SLC9A9: variants seen among roughly 807,000 people sequenced by gnomAD.
SLC9A9 encodes the protein solute carrier family 9 member A9.
A neutral mutation model predicts 77.8 loss-of-function variants in SLC9A9; 62 were observed. That is an observed-to-expected ratio of 0.80 (90% CI 0.65 to 0.98). The LOEUF (loss-of-function observed/expected upper bound fraction) is 0.98, where lower values mean the gene tolerates loss of function less well. Among genes scored for constraint, SLC9A9 ranks in the 50% least tolerant of loss-of-function variants. The pLI, the probability that SLC9A9 is intolerant of heterozygous loss-of-function variation, is 0.00. For missense variants in SLC9A9, 775 were observed against 774.9 expected, an observed-to-expected ratio of 1.00 and a Z score of 0.00; for synonymous variants, 320 against 283.5, an observed-to-expected ratio of 1.13 and a Z score of -1.29.
At chr3:143,507,912 T>C (rs1385271466) in intron 9 of SLC9A9, among the ~76,000 whole-genome samples, 1 of 152,144 alleles carries the variant, frequency 6.6e-6, no homozygotes, top group South Asian at 2.1e-4. Flanking sequence ...AAGCAAGCTC[T>C]CACGTCTCTT....
intron 5 of SLC9A9, among the ~76,000 whole-genome samples, chr3:143,672,620 C>A (rs1192819587): frequency 6.6e-6 from 1 of 152,124 alleles, no homozygotes; most frequent in Non-Finnish European, 1.5e-5. Flanking sequence ...AAATAACAGT[C>A]CTGCTTTTAA....
intron 12 of SLC9A9, among the ~76,000 whole-genome samples, chr3:143,425,664 C>A (rs1403902688): frequency 6.6e-6 from 1 of 152,176 alleles, no homozygotes; most frequent in Non-Finnish European, 1.5e-5. Flanking sequence ...TTGATGCACA[C>A]TTTTCTGGTC....
At chr3:143,407,789 G>A (rs2034010170) in intron 12 of SLC9A9, among the ~76,000 whole-genome samples, 1 of 152,204 alleles carries the variant, frequency 6.6e-6, no homozygotes, top group African/African-American at 2.4e-5. Context: ...CTAAAGCAAT[G>A]TGCTTCTGAA....
At chr3:143,489,316 T>C (rs1478175270) in intron 11 of SLC9A9, among the ~76,000 whole-genome samples, 2 of 151,934 alleles carry the variant, frequency 1.3e-5, no homozygotes, top group Non-Finnish European at 2.9e-5. Context: ...CAACCCAAAG[T>C]AATCTGCAAA....
chr3:143,587,523 C>CA (rs2037563653), intron 6 of SLC9A9, among the ~76,000 whole-genome samples: 1 of 152,176 alleles, frequency 6.6e-6, no homozygotes. Context: ...AGGAGGCCAG[C>CA]ATGGCTGGAG....
rs537558359 is a variant in SLC9A9 at position 143,746,353 on chromosome 3, C to T, written c.533+48648G>A. Among the ~76,000 whole-genome samples the T allele has an allele frequency of 4.6e-5, 7 of 152,272 alleles. No homozygotes were observed. The South Asian group carries it at 1.5e-3, about 32-fold the overall frequency. On this transcript the variant is annotated intron_variant, in intron 4 of 15. Transcript: ENST00000316549. ...AGTGTCAGATACTTTCCTAGGTTCTCTTTTTTTCTCCATTTGAAAGTTTAT... is the reference window on the plus strand; with the variant it reads ...AGTGTCAGATACTTTCCTAGGTTCTTTTTTTTTCTCCATTTGAAAGTTTAT...
At chr3:143,527,938 G>A (rs778513954) in intron 9 of SLC9A9, among the ~76,000 whole-genome samples, 3 of 152,230 alleles carry the variant, frequency 2.0e-5, no homozygotes, top group Non-Finnish European at 2.9e-5. Context: ...ATTGTCACCA[G>A]GCTAGGCTGG....
rs200592123 is a variant in SLC9A9, at chr3:143,665,487, AGAACTGAAG to A, written c.650-13136_650-13128del. Among the ~76,000 whole-genome samples, 268 of 152,362 alleles carry A rather than the reference AGAACTGAAG, an allele frequency of 1.8e-3. 2 individuals are homozygous for A. In the East Asian group the frequency reaches 0.036, roughly 20 times the overall value. On this transcript the variant is annotated intron_variant, in intron 5 of 15. Transcript: ENST00000316549. ...AGAAGGCAATAAATAAAATCAGAGC[AGAACTGAAG>A]GAGATAGAGACACAAAAAACCCTTC...
chr3:143,301,621 G>A (rs955920771), intron 14 of SLC9A9, among the ~76,000 whole-genome samples: 9 of 152,194 alleles, frequency 5.9e-5, no homozygotes, highest in African/African-American at 2.2e-4. Context: ...AAATGTTGGT[G>A]TGTATCAGAA....
At chr3:143,624,382 C>T (rs2038278095) in intron 6 of SLC9A9, among the ~76,000 whole-genome samples, 1 of 152,200 alleles carries the variant, frequency 6.6e-6, no homozygotes, top group South Asian at 2.1e-4. Flanking sequence ...TACTGGCCAA[C>T]TGAATCCAGC....
chr3:143,797,425 G>C (rs1393582425), intron 2 of SLC9A9, among the ~76,000 whole-genome samples: 1 of 152,118 alleles, frequency 6.6e-6, no homozygotes, highest in Non-Finnish European at 1.5e-5. Context: ...AGTATGACTT[G>C]GTATGAAGTG....
chr3:143,636,769 C>T (rs1207296951), intron 6 of SLC9A9, among the ~76,000 whole-genome samples: 1 of 152,118 alleles, frequency 6.6e-6, no homozygotes, highest in East Asian at 1.9e-4. Context: ...CTTCTACTTC[C>T]CCATCTCTGC....
chr3:143,767,709 T>G (rs2007372198), intron 4 of SLC9A9, among the ~76,000 whole-genome samples: 1 of 152,172 alleles, frequency 6.6e-6, no homozygotes, highest in Admixed American at 6.5e-5. Flanking sequence ...ACAATTTTTT[T>G]AAAGTTCAAT....
chr3:143,622,511 A>C (rs2038235646), intron 6 of SLC9A9, among the ~76,000 whole-genome samples: 1 of 152,204 alleles, frequency 6.6e-6, no homozygotes, highest in Non-Finnish European at 1.5e-5. Flanking sequence ...TATCCAGCCA[A>C]ACTAAGCTTC....
At chr3:143,818,676 C>T (rs1056827792) in intron 2 of SLC9A9, among the ~76,000 whole-genome samples, 2 of 142,972 alleles carry the variant, frequency 1.4e-5, no homozygotes, top group African/African-American at 2.6e-5. Context: ...AGCAATAAGC[C>T]CTCATTGAAT....
intron 4 of SLC9A9, among the ~76,000 whole-genome samples, chr3:143,708,517 A>G (rs1204172476): frequency 6.6e-6 from 1 of 152,152 alleles, no homozygotes; most frequent in African/African-American, 2.4e-5. Flanking sequence ...TCAGAAAACT[A>G]TGTTTAATAC....
At chr3:143,557,455 C>T (rs975277892) in intron 8 of SLC9A9, among the ~76,000 whole-genome samples, 9 of 152,212 alleles carry the variant, frequency 5.9e-5, no homozygotes, top group Middle Eastern at 6.8e-3. Flanking sequence ...GAGGTTGGAA[C>T]AGTTTGGAGG....
intron 13 of SLC9A9, among the ~76,000 whole-genome samples, chr3:143,369,607 C>T (rs2032996323): frequency 6.6e-6 from 1 of 151,660 alleles, no homozygotes; most frequent in East Asian, 1.9e-4. Context: ...CATTCTGTAC[C>T]CTATAAGTAT....
Position 143,494,344 on chromosome 3 carries a change from G to T in SLC9A9, c.1204-580C>A, listed in dbSNP as rs563021227. On this transcript the variant is annotated intron_variant, in intron 10 of 15. Transcript: ENST00000316549. Reference sequence around the variant, plus strand: ...AGTAAAAGTCTTTGAAAATATTGGCGCTCTTCATCTTTCCCTTTTTGTTGT... The same window carrying T: ...AGTAAAAGTCTTTGAAAATATTGGCTCTCTTCATCTTTCCCTTTTTGTTGT... Among the ~76,000 whole-genome samples, 3 of 152,248 alleles carry T rather than the reference G, an allele frequency of 2.0e-5. No homozygotes were observed. The East Asian group carries it at 5.8e-4, about 29-fold the overall frequency.
Sources: gnomAD v4.1 joint callset for allele counts (sites outside exome capture counted in the v4.1 genomes callset) on GRCh38, gnomAD v4.1.1 for gene constraint, MANE v1.5 for transcripts, NCBI Gene and HGNC (gene_info 2026-07-23, HGNC 2026-07-21) for gene names.